The following USP3 variants were observed in gnomAD, a reference collection of about 807,000 sequenced individuals.
USP3 encodes ubiquitin specific peptidase 3.
A neutral mutation model predicts 72.3 loss-of-function variants in USP3; 20 were observed. The ratio of observed to expected loss-of-function variants is 0.28; its 90% CI spans 0.19 to 0.40. The LOEUF (loss-of-function observed/expected upper bound fraction) is 0.40. Among genes scored for constraint, USP3 ranks in the 10% least tolerant of loss-of-function variants. USP3 has a pLI of 1.00. For synonymous variants in USP3, 222 were observed against 225.3 expected (o/e 0.99, Z 0.13); for missense variants, 479 against 633.9 (o/e 0.76, Z 2.62).
intron 1 of USP3, among the ~76,000 whole-genome samples, chr15:63,518,098 G>GT (rs2065875420): frequency 6.6e-6 from 1 of 152,094 alleles, no homozygotes; most frequent in South Asian, 2.1e-4. Context: ...AGGGCACAGT[G>GT]TTTTGCCCTA....
intron 1 of USP3, chr15:63,530,594 C>T (rs2066058458): frequency 6.9e-6 from 3 of 436,120 alleles, no homozygotes; most frequent in African/African-American, 2.1e-5. Context: ...ACTACAGGCA[C>T]GTACCAGTGC....
chr15:63,533,266 G>T (rs2066105219), intron 2 of USP3, among the ~76,000 whole-genome samples: 1 of 152,040 alleles, frequency 6.6e-6, no homozygotes, highest in Admixed American at 6.6e-5. Context: ...TGATCTCATT[G>T]TGGAGTTCAT....
chr15:63,558,733 G>A (rs1024846792), intron 6 of USP3, among the ~76,000 whole-genome samples: 1 of 152,082 alleles, frequency 6.6e-6, no homozygotes, highest in African/African-American at 2.4e-5. Context: ...AAATTAGCTG[G>A]GCGTGGTGGC....
intron 3 of USP3, among the ~76,000 whole-genome samples, chr15:63,545,081 TA>T (rs2066300148): frequency 6.6e-6 from 1 of 152,130 alleles, no homozygotes; most frequent in South Asian, 2.1e-4. Flanking sequence ...AATCAAAATC[TA>T]AAAAGGCATA....
intron 1 of USP3, among the ~76,000 whole-genome samples, chr15:63,525,408 C>G (rs1428033058): frequency 1.3e-5 from 2 of 152,250 alleles, no homozygotes; most frequent in Admixed American, 1.3e-4. Flanking sequence ...TGCCCTGTTC[C>G]CTGGGAACCT....
intron 8 of USP3, among the ~76,000 whole-genome samples, chr15:63,564,099 A>C (rs879278756): frequency 2.0e-5 from 3 of 152,218 alleles, no homozygotes; most frequent in Non-Finnish European, 4.4e-5. Context: ...TAATAAAAAA[A>C]TTTCTAACAT....
In USP3 at chr15:63,590,860, C is replaced by A; in HGVS notation, c.*34C>A. On this transcript the variant is annotated 3_prime_UTR_variant, in exon 15 of 15. Coordinates refer to ENST00000380324, the MANE Select transcript of USP3 (RefSeq NM_006537.4). ...CCAAATCATCATTCACCAACCATAC[C>A]AGAGAAACATTTCCAGTTTTCCACA... is the stretch of plus-strand genomic sequence containing the variant. The A allele has an allele frequency of 6.4e-7, 1 of 1,564,732 alleles. No homozygotes were observed. Among genetic ancestry groups the A allele is most frequent in the African/African-American group, 1.4e-5 (1 of 72,884 alleles).
chr15:63,547,726 G>C (rs904864354), intron 3 of USP3, among the ~76,000 whole-genome samples: 1 of 38,256 alleles, frequency 2.6e-5, no homozygotes, highest in African/African-American at 1.3e-4. Context: ...TCTCAATAGA[G>C]AGAGAGAGAG....
chr15:63,523,185 A>C (rs2065940787), intron 1 of USP3, among the ~76,000 whole-genome samples: 2 of 152,068 alleles, frequency 1.3e-5, no homozygotes, highest in Non-Finnish European at 1.5e-5. Flanking sequence ...CTGGTGTAGG[A>C]GGATTTTGAG....
rs543378423 is a variant in USP3, at chr15:63,573,845, AGT to A, written c.909-198_909-197del. 4.7e-4 allele frequency among the ~76,000 whole-genome samples: 71 copies of A among 152,348 alleles called. No homozygotes were observed. The East Asian group carries it at 0.013, about 28-fold the overall frequency. On this transcript the variant is annotated intron_variant, in intron 9 of 14. Coordinates refer to ENST00000380324, the MANE Select transcript of USP3 (RefSeq NM_006537.4). ...TTGGATGAGGGCATTGGGGGAGGCC[AGT>A]GTAGCTTAAACCTTTTATTTAGTAT...
chr15:63,592,119 G>A lies in USP3; in HGVS notation c.*1293G>A. 1 of 152,122 alleles carries A rather than the reference G, an allele frequency of 6.6e-6. No homozygotes were observed. Among genetic ancestry groups the A allele is most frequent in the Non-Finnish European group, 1.5e-5 (1 of 68,020 alleles). The allele number at this position is 152,122 out of a possible 1,614,324, so 9.4% of individuals were successfully genotyped here. A position where few individuals can be genotyped will look rare whatever the true frequency, so the allele number is the denominator to read the frequency against. On this transcript the variant is annotated 3_prime_UTR_variant, in exon 15 of 15. Coordinates refer to ENST00000380324, the MANE Select transcript of USP3 (RefSeq NM_006537.4). ...TTTAGTAAAGACGGGGGTTTACCAT[G>A]TTGGCTAGGGTGGTCTCAACCTCCC...
intron 1 of USP3, among the ~76,000 whole-genome samples, chr15:63,525,691 G>A (rs1307739297): frequency 2.6e-5 from 4 of 152,164 alleles, no homozygotes; most frequent in African/African-American, 4.8e-5. Flanking sequence ...GTTCAGAGAG[G>A]ATTTATAGTG....
chr15:63,556,473 G>A (rs1428719327), intron 4 of USP3, 194 bp from the exon 5 acceptor site: 7 of 447,462 alleles, frequency 1.6e-5, no homozygotes, highest in Non-Finnish European at 2.9e-5. Flanking sequence ...TCTGCTGGAG[G>A]AGCAATGGGG....
At chr15:63,560,163 T>C (rs1309878335) in intron 7 of USP3, among the ~76,000 whole-genome samples, 193 bp downstream of exon 7, 1 of 152,222 alleles carries the variant, frequency 6.6e-6, no homozygotes, top group East Asian at 1.9e-4. Context: ...CTCACGCCTG[T>C]TATCCCAGCA....
At chr15:63,522,827 T>C (rs2065936935) in intron 1 of USP3, among the ~76,000 whole-genome samples, 1 of 152,244 alleles carries the variant, frequency 6.6e-6, no homozygotes, top group South Asian at 2.1e-4. Context: ...GATAATGTAC[T>C]GGCAGTGCAC....
In USP3 at chr15:63,583,530, G is replaced by A. The variant is rs148646727; in HGVS notation, c.1097-4775G>A. On this transcript the variant is annotated intron_variant, in intron 11 of 14. Transcript: ENST00000380324. ...ATGTAACATTTTAAGTGTCTTAAGTGTGTAATTCAGTGGCATTAAGCACAC... is the reference window on the plus strand; with the variant it reads ...ATGTAACATTTTAAGTGTCTTAAGTATGTAATTCAGTGGCATTAAGCACAC... Among the ~76,000 whole-genome samples the A allele has an allele frequency of 2.4e-3, 367 of 152,264 alleles. 1 individual carries two copies. The highest frequency in any genetic ancestry group is 8.5e-3 in the African/African-American group (353 of 41,536).
At position 63,529,370 on chromosome 15, in the gene USP3, G is replaced by A. The variant is rs890386503; in HGVS notation, c.92-3277G>A. ...ATCTTAAAGTGAACAATTCAGTGGC[G>A]TTTAGTACATCCACAATTGTTTTAC... On this transcript the variant is annotated intron_variant, in intron 1 of 14. Coordinates refer to ENST00000380324, the MANE Select transcript of USP3 (RefSeq NM_006537.4). The surrounding 1 kb of genome is among the most constrained non-coding windows in gnomAD (Gnocchi z 4.2). Among the ~76,000 whole-genome samples the A allele has an allele frequency of 2.6e-5, 4 of 151,912 alleles. No homozygotes were observed. The highest frequency in any genetic ancestry group is 4.4e-5 in the Non-Finnish European group (3 of 67,992).
At chr15:63,548,182 T>A (rs2066380997) in intron 3 of USP3, among the ~76,000 whole-genome samples, 1 of 149,672 alleles carries the variant, frequency 6.7e-6, no homozygotes, top group African/African-American at 2.5e-5. Flanking sequence ...CCAGCTGGAG[T>A]GTAGTGATGT....
rs1331717820 is a variant in USP3 at position 63,553,704 on chromosome 15, T to A, written c.285-11T>A. On this transcript the variant is annotated splice_polypyrimidine_tract_variant and intron_variant, in intron 3 of 14. Transcript: ENST00000380324. This position sits in a 1 kb window ranked among gnomAD's most constrained non-coding sequence, Gnocchi z 4.2. ...GCTCTTTACACACATTGATTAATAT[T>A]TTCCTTGCAGTTATCGCTGTGATGA... 4 of 1,611,012 alleles carry A rather than the reference T, an allele frequency of 2.5e-6. No homozygotes were observed. The highest frequency in any genetic ancestry group is 3.4e-6 in the Non-Finnish European group (4 of 1,178,770).
Sources: gnomAD v4.1 joint callset for allele counts (sites outside exome capture counted in the v4.1 genomes callset) on GRCh38, gnomAD v4.1.1 for gene constraint, Gnocchi (gnomAD v3.1) non-coding constraint, MANE v1.5 for transcripts, NCBI Gene and HGNC (gene_info 2026-07-23, HGNC 2026-07-21) for gene names.